SAE1: variants seen among roughly 807,000 people sequenced by gnomAD.
SAE1 encodes the protein SUMO1 activating enzyme subunit 1, also known as SUMO-activating enzyme subunit 1.
In SAE1, 11 loss-of-function variants were observed where a neutral mutation model predicts 40.6. The observed-to-expected ratio is 0.27, with a 90% CI of 0.17 to 0.45. The LOEUF is 0.45. SAE1 is among the 20% of genes least tolerant of loss of function. The probability of loss-of-function intolerance (pLI) is 1.00; values close to 1 mark genes in which losing one functional copy is unlikely to be tolerated. For missense variants in SAE1, 373 were observed against 427.3 expected (o/e 0.87, Z 1.12); for synonymous variants, 155 against 154.3 (o/e 1.00, Z -0.03).
chr19:47,172,863 A>G (rs891563524), intron 6 of SAE1, among the ~76,000 whole-genome samples: 1 of 152,002 alleles, frequency 6.6e-6, no homozygotes. Context: ...CATGTATATC[A>G]CCTTCATCTC....
intron 6 of SAE1, among the ~76,000 whole-genome samples, chr19:47,185,958 C>T (rs1188557537): frequency 6.6e-6 from 1 of 150,930 alleles, no homozygotes; most frequent in East Asian, 2.0e-4. Flanking sequence ...TGCTTATTGG[C>T]CCCGGGCGTG....
rs1368717818 is a variant in SAE1, at chr19:47,203,673, A to G, written c.881A>G (p.Tyr294Cys). 9.3e-6 allele frequency: 15 copies of G among 1,613,830 alleles called. No homozygotes were observed. The highest frequency in any genetic ancestry group is 1.2e-5 in the Non-Finnish European group (14 of 1,179,838). ...TTCCTTGTCTTCCTCTCTTTTAGGT[A>G]CTGCTTCTCCGAGATGGCCCCAGTG... ...PDLLPEDFVRYCFSEMAPVCA... is the reference protein window; with the variant it reads ...PDLLPEDFVRCCFSEMAPVCA... Residue 294 changes from tyrosine to cysteine, a missense_variant and splice_region_variant, in exon 8 of 9, where the codon TAC (tyrosine) becomes TGC (cysteine). Physicochemically the swap from Tyr to Cys is radical, Grantham distance 194. Coordinates refer to ENST00000270225, the MANE Select transcript of SAE1 (RefSeq NM_005500.3).
At chr19:47,180,746 G>A (rs958563826) in intron 6 of SAE1, among the ~76,000 whole-genome samples, 2 of 152,216 alleles carry the variant, frequency 1.3e-5, no homozygotes, top group Non-Finnish European at 2.9e-5. Context: ...TCGGTTGAGC[G>A]CAGGAGGTCG....
chr19:47,170,938 G>A (rs2058427237), intron 6 of SAE1, among the ~76,000 whole-genome samples: 1 of 152,080 alleles, frequency 6.6e-6, no homozygotes, highest in South Asian at 2.1e-4. Flanking sequence ...CTGTTAGTAA[G>A]TATTGGTTGG....
rs749867613 is a variant in SAE1 at position 47,197,284 on chromosome 19, A to C, written c.785A>C (p.Tyr262Ser). The change falls in exon 7 of 9, where the codon TAT (tyrosine) becomes TCT (serine). Residue 262 changes from tyrosine (Y) to serine (S), a missense_variant. By Grantham distance (144) the Tyr-to-Ser change is moderately radical (BLOSUM62 -2). This residue lies in a region of SAE1 where 351 missense variants were observed against 390.6 expected (regional missense o/e 0.90). Coordinates refer to ENST00000270225, the MANE Select transcript of SAE1 (RefSeq NM_005500.3). The stretch of plus-strand genomic sequence containing the variant: ...GGAAGAGATCCCAGTTCTGATACAT[A>C]TGAGGAAGATTCTGAGTTGTTGCTC... Reference protein sequence around the residue: ...DKGRDPSSDTYEEDSELLLQI... With the variant: ...DKGRDPSSDTSEEDSELLLQI... 6 of 1,613,868 alleles carry C rather than the reference A, an allele frequency of 3.7e-6. No homozygotes were observed. Among genetic ancestry groups the C allele is most frequent in the East Asian group, 4.5e-5 (2 of 44,900 alleles).
At chr19:47,184,700 C>T (rs545994922) in intron 6 of SAE1, among the ~76,000 whole-genome samples, 1 of 152,126 alleles carries the variant, frequency 6.6e-6, no homozygotes, top group South Asian at 2.1e-4. Context: ...CGTGAGCCAC[C>T]ACTGCCGGCC....
At chr19:47,193,841 GAAAGA>G (rs138416958) in intron 6 of SAE1, among the ~76,000 whole-genome samples, 21,217 of 141,096 alleles carry the variant, frequency 0.15, 1,642 homozygotes, top group East Asian at 0.33. Context: ...AAAAAAAAAA[GAAAGA>G]AAAGAAAAAG....
chr19:47,154,291 A>G (rs1046182251), intron 4 of SAE1, among the ~76,000 whole-genome samples: 2 of 150,346 alleles, frequency 1.3e-5, no homozygotes, highest in Non-Finnish European at 1.5e-5. Flanking sequence ...GGGTTTCACT[A>G]TGTTGGCTAT....
chr19:47,133,354 T>C (rs2058159120), intron 1 of SAE1, among the ~76,000 whole-genome samples: 1 of 152,148 alleles, frequency 6.6e-6, no homozygotes, highest in Non-Finnish European at 1.5e-5. Flanking sequence ...CCTTCCTGAG[T>C]AGCTGGGACT....
chr19:47,199,889 G>A (rs1053177419), intron 7 of SAE1, among the ~76,000 whole-genome samples: 2 of 151,752 alleles, frequency 1.3e-5, no homozygotes, highest in African/African-American at 4.8e-5. Flanking sequence ...CGGTGCTGAT[G>A]TTACAAAGGC....
At chr19:47,168,088 G>A (rs2058405795) in intron 5 of SAE1, among the ~76,000 whole-genome samples, 2 of 152,104 alleles carry the variant, frequency 1.3e-5, no homozygotes, top group Admixed American at 1.3e-4. Context: ...AGCTACTGGG[G>A]GCGCTGAGGC....
intron 5 of SAE1, among the ~76,000 whole-genome samples, chr19:47,167,274 A>ATT (rs762932610): frequency 2.6e-5 from 3 of 117,336 alleles, no homozygotes; most frequent in Non-Finnish European, 3.6e-5. Flanking sequence ...TAATTTTTGT[A>ATT]TTTTTTTTTT....
chr19:47,177,475 C>T (rs1335784575), intron 6 of SAE1, among the ~76,000 whole-genome samples: 1 of 152,170 alleles, frequency 6.6e-6, no homozygotes, highest in Non-Finnish European at 1.5e-5. Flanking sequence ...CCTCTCACCT[C>T]GACCTGCAAA....
intron 6 of SAE1, among the ~76,000 whole-genome samples, chr19:47,196,614 G>A (rs1397399821): frequency 2.0e-5 from 3 of 151,074 alleles, no homozygotes; most frequent in Non-Finnish European, 3.0e-5. Context: ...CACCTGCCTC[G>A]GCCTCCCAAA....
intron 5 of SAE1, among the ~76,000 whole-genome samples, chr19:47,162,991 CAAA>C (rs903868546): frequency 1.3e-5 from 2 of 151,170 alleles, no homozygotes; most frequent in South Asian, 4.2e-4. Context: ...CACACTGTCT[CAAA>C]AAAAAATTTT....
chr19:47,186,431 A>G (rs2058545064), intron 6 of SAE1, among the ~76,000 whole-genome samples: 1 of 152,050 alleles, frequency 6.6e-6, no homozygotes, highest in Non-Finnish European at 1.5e-5. Flanking sequence ...TAGGTAATTC[A>G]TTCAGCGGGT....
At chr19:47,203,261 C>T (rs2058665454) in intron 7 of SAE1, among the ~76,000 whole-genome samples, 2 of 152,164 alleles carry the variant, frequency 1.3e-5, no homozygotes, top group Admixed American at 1.3e-4. Flanking sequence ...CATGTTAACA[C>T]AGGCCTGCTC....
chr19:47,186,472 A>G (rs1600200118), intron 6 of SAE1, among the ~76,000 whole-genome samples: 2 of 152,236 alleles, frequency 1.3e-5, no homozygotes, highest in East Asian at 3.9e-4. Flanking sequence ...GGGATCCTTA[A>G]TACCACATTT....
chr19:47,146,706 A>G (rs904807476), intron 2 of SAE1, among the ~76,000 whole-genome samples: 1 of 152,226 alleles, frequency 6.6e-6, no homozygotes, highest in Non-Finnish European at 1.5e-5. Context: ...CCCAGTAGTT[A>G]GTGGTACGGC....
Sources: allele counts gnomAD v4.1 joint callset (sites outside exome capture counted in the v4.1 genomes callset), GRCh38; gene constraint gnomAD v4.1.1; regional missense constraint gnomAD v4.1.1; transcripts MANE v1.5; gene names NCBI Gene and HGNC (gene_info 2026-07-23, HGNC 2026-07-21).